Variants in SYK observed in about 807,000 individuals in gnomAD.
The protein encoded by SYK is spleen associated tyrosine kinase, also known as tyrosine-protein kinase SYK.
SYK carries 16 observed loss-of-function variants against 77.8 expected under a neutral mutation model. That is an observed-to-expected ratio of 0.21 (90% confidence interval 0.14 to 0.31). The LOEUF (loss-of-function observed/expected upper bound fraction) is 0.31, where lower values mean the gene tolerates loss of function less well. Among genes scored for constraint, SYK ranks in the 10% least tolerant of loss-of-function variants. The pLI is 1.00. For missense variants in SYK, 529 were observed against 814.4 expected (o/e 0.65, Z 4.26); for synonymous variants, 312 against 308.7 (o/e 1.01, Z -0.11).
At chr9:90,860,724 C>T (rs1258892818) in intron 3 of SYK, among the ~76,000 whole-genome samples, 2 of 152,154 alleles carry the variant, frequency 1.3e-5, no homozygotes, top group Admixed American at 1.3e-4. Context: ...CCTCCCATGC[C>T]ATCGTTCAGC....
intron 13 of SYK, among the ~76,000 whole-genome samples, chr9:90,890,760 C>G (rs1828752959): frequency 6.6e-6 from 1 of 152,196 alleles, no homozygotes; most frequent in Non-Finnish European, 1.5e-5. Flanking sequence ...TGACCTCAAA[C>G]AGGGTTGGGG....
chr9:90,892,956 C>G (rs1344716851), intron 13 of SYK, among the ~76,000 whole-genome samples: 1 of 152,226 alleles, frequency 6.6e-6, no homozygotes, highest in Non-Finnish European at 1.5e-5. Context: ...GCTCCCTGCA[C>G]AACCTCAGCT....
chr9:90,819,627 T>C (rs1225670625), intron 1 of SYK, among the ~76,000 whole-genome samples: 3 of 152,048 alleles, frequency 2.0e-5, no homozygotes, highest in Non-Finnish European at 4.4e-5. Flanking sequence ...CCCCCATGAT[T>C]CAATTACCCC....
At chr9:90,823,954 C>T (rs1825594906) in intron 1 of SYK, among the ~76,000 whole-genome samples, 2 of 150,900 alleles carry the variant, frequency 1.3e-5, no homozygotes, top group African/African-American at 4.9e-5. Context: ...TCAATAAAAC[C>T]AATGTTGGTT....
chr9:90,831,366 A>G (rs932538401), intron 1 of SYK, among the ~76,000 whole-genome samples: 1 of 152,224 alleles, frequency 6.6e-6, no homozygotes, highest in Admixed American at 6.5e-5. Flanking sequence ...ATGGGTTAAT[A>G]AAAAGGGATA....
chr9:90,872,131 G>A (rs290229), intron 7 of SYK, among the ~76,000 whole-genome samples: 34,167 of 152,076 alleles, frequency 0.22, 4,511 homozygotes, highest in East Asian at 0.64. Context: ...ATTCTTCCCT[G>A]CAGGATTCAT....
intron 9 of SYK, among the ~76,000 whole-genome samples, chr9:90,875,478 A>G (rs941272753): frequency 5.3e-5 from 8 of 152,158 alleles, no homozygotes; most frequent in African/African-American, 1.7e-4. Flanking sequence ...ACTGTTAACT[A>G]AACATTACTA....
intron 3 of SYK, among the ~76,000 whole-genome samples, chr9:90,853,076 A>C (rs1470979681): frequency 1.3e-5 from 2 of 151,544 alleles, no homozygotes; most frequent in Non-Finnish European, 2.9e-5. Context: ...TGTTGCCTTC[A>C]CGAGTGCAAC....
In SYK at chr9:90,818,523, A is replaced by G. The variant is rs563902647; in HGVS notation, c.-42+16630A>G. Among the ~76,000 whole-genome samples, 6 of 152,222 alleles carry G rather than the reference A, an allele frequency of 3.9e-5. No homozygotes were observed. The South Asian group carries it at 1.0e-3, about 26-fold the overall frequency. ...CAGCTGAGATGCTTCCCTGCACTTG[A>G]CTTGTTTACGGTCAGATCGTAAGGA... On this transcript the variant is annotated intron_variant, in intron 1 of 13. Transcript: ENST00000375754.
chr9:90,804,506 A>C, intron 1 of SYK, among the ~76,000 whole-genome samples: 1 of 151,950 alleles, frequency 6.6e-6, no homozygotes, highest in Non-Finnish European at 1.5e-5. Flanking sequence ...TTTTCCAGCT[A>C]CCCCCTGACT....
intron 1 of SYK, among the ~76,000 whole-genome samples, chr9:90,816,191 G>A (rs1358729267): frequency 6.6e-6 from 1 of 152,210 alleles, no homozygotes; most frequent in Non-Finnish European, 1.5e-5. Context: ...CTGCTTCACT[G>A]GGCTGTACTG....
intron 1 of SYK, among the ~76,000 whole-genome samples, chr9:90,805,093 A>T (rs1824766373): frequency 6.6e-6 from 1 of 152,256 alleles, no homozygotes; most frequent in Non-Finnish European, 1.5e-5. Context: ...TTTATGTTAC[A>T]GTACATTTAA....
At position 90,897,150 on chromosome 9, in the gene SYK, C is replaced by T. The variant is rs115363876; in HGVS notation, c.*1550C>T. 4.2e-3 allele frequency: 980 copies of T among 230,748 alleles called. 6 individuals carry two copies. Among genetic ancestry groups the T allele is most frequent in the African/African-American group, 0.02 (926 of 45,308 alleles). 14.3% of individuals were successfully genotyped at this position (230,748 alleles called of 1,614,324 possible). ...CCTGAGACATTTTAAAGTGCATGGA[C>T]AGCCATGGACAGCAGGCCCTCCTCT... On this transcript the variant is annotated 3_prime_UTR_variant, in exon 14 of 14. Transcript: ENST00000375754.
intron 3 of SYK, among the ~76,000 whole-genome samples, chr9:90,855,547 TA>T (rs567740093): frequency 3.9e-5 from 6 of 152,066 alleles, no homozygotes; most frequent in Admixed American, 1.3e-4. Context: ...CTTAGCTGCA[TA>T]AAAAAATGGG....
rs10993705 is a variant in SYK, at chr9:90,836,574, G to A, written c.-41-7284G>A. On this transcript the variant is annotated intron_variant, in intron 1 of 13. Transcript: ENST00000375754. ...TTCCTGTTGCTATTGTGATGAGCTC[G>A]AGAGTTGCAAGTACCTGCCTAAATC... 1.2e-4 allele frequency among the ~76,000 whole-genome samples: 18 copies of A among 152,242 alleles called. No individual in the cohort carries two copies. The South Asian group carries it at 2.3e-3, about 19-fold the overall frequency.
At chr9:90,860,801 T>C (rs1827226821) in intron 3 of SYK, among the ~76,000 whole-genome samples, 1 of 152,150 alleles carries the variant, frequency 6.6e-6, no homozygotes, top group Non-Finnish European at 1.5e-5. Flanking sequence ...CATGGCCATG[T>C]CCAGTTCTGA....
chr9:90,803,589 C>T (rs1290387499), intron 1 of SYK, among the ~76,000 whole-genome samples: 1 of 151,818 alleles, frequency 6.6e-6, no homozygotes, highest in Admixed American at 6.6e-5. Context: ...CTTTGTTAGG[C>T]CCCTATTTAA....
intron 9 of SYK, among the ~76,000 whole-genome samples, chr9:90,876,287 CA>C (rs71923873): frequency 0.037 from 4,453 of 119,986 alleles, 195 homozygotes; most frequent in African/African-American, 0.13. Flanking sequence ...AACTCTGCCT[CA>C]AAAAAAAAAA....
chr9:90,891,072 A>C (rs915389723), intron 13 of SYK, among the ~76,000 whole-genome samples: 38 of 152,012 alleles, frequency 2.5e-4, no homozygotes, highest in Non-Finnish European at 5.9e-5. Flanking sequence ...CACGAAAAGA[A>C]ACTGGCTGCC....
Sources: gnomAD v4.1 joint callset for allele counts (sites outside exome capture counted in the v4.1 genomes callset) on GRCh38, gnomAD v4.1.1 for gene constraint, MANE v1.5 for transcripts, NCBI Gene and HGNC (gene_info 2026-07-23, HGNC 2026-07-21) for gene names.